Variants in FAF1 observed in about 807,000 individuals in gnomAD.
FAF1 encodes Fas associated factor 1.
In FAF1, 25 loss-of-function variants were observed where a neutral mutation model predicts 92.5. The observed-to-expected ratio is 0.27, with a 90% CI of 0.20 to 0.38. The LOEUF (loss-of-function observed/expected upper bound fraction) is 0.38. FAF1 is among the 10% of genes least tolerant of loss of function. The pLI is 1.00. For synonymous variants in FAF1, 234 were observed against 273.2 expected (o/e 0.86, Z 1.42); for missense variants, 636 against 793.3 (o/e 0.80, Z 2.38).
chr1:50,535,230 A>G, intron 15 of FAF1, 139 bp downstream of exon 15: 1 of 598,938 alleles, frequency 1.7e-6, no homozygotes, highest in Admixed American at 2.8e-5. Flanking sequence ...TCCATAGCAT[A>G]AAAACCCTTG....
Position 50,717,127 on chromosome 1 carries a change from G to A in FAF1, c.552-11236C>T, listed in dbSNP as rs927944434. 4.6e-5 allele frequency among the ~76,000 whole-genome samples: 7 copies of A among 152,208 alleles called. No individual in the cohort carries two copies. In the East Asian group the frequency reaches 7.7e-4, roughly 17 times the overall value. On this transcript the variant is annotated intron_variant, in intron 6 of 18. Transcript: ENST00000396153. ...CCGCGGCTTCATTCTTGGAGTCAGC[G>A]AGAACAAGAACCCACTGGAAGGAAC...
At chr1:50,892,306 T>A (rs1644726331) in intron 1 of FAF1, among the ~76,000 whole-genome samples, 1 of 152,264 alleles carries the variant, frequency 6.6e-6, no homozygotes, top group South Asian at 2.1e-4. Flanking sequence ...TCATGCTTCC[T>A]GGGTGAGATG....
At chr1:50,788,894 C>T (rs1031278260) in intron 3 of FAF1, among the ~76,000 whole-genome samples, 3 of 152,146 alleles carry the variant, frequency 2.0e-5, no homozygotes, top group African/African-American at 7.2e-5. Context: ...AGCAGTGGCA[C>T]AATCTTGGCT....
chr1:50,587,100 A>G (rs887298943), intron 9 of FAF1, among the ~76,000 whole-genome samples: 2 of 152,172 alleles, frequency 1.3e-5, no homozygotes, highest in Non-Finnish European at 2.9e-5. Context: ...GGAATGTTCT[A>G]TATATACTTC....
intron 8 of FAF1, among the ~76,000 whole-genome samples, chr1:50,625,023 T>G (rs1653431761): frequency 6.6e-6 from 1 of 150,412 alleles, no homozygotes; most frequent in Non-Finnish European, 1.5e-5. Context: ...TGCCTCAGCC[T>G]CCCGAGTAGC....
chr1:50,704,099 C>T (rs1657579937), intron 7 of FAF1, among the ~76,000 whole-genome samples: 1 of 152,160 alleles, frequency 6.6e-6, no homozygotes, highest in East Asian at 1.9e-4. Context: ...AGTCTCCTCC[C>T]TGCAATATGC....
intron 2 of FAF1, among the ~76,000 whole-genome samples, chr1:50,813,220 T>A (rs537113415): frequency 3.7e-4 from 56 of 151,438 alleles, no homozygotes; most frequent in Middle Eastern, 3.4e-3. Flanking sequence ...AAATAAATTT[T>A]AAAAAAAAGA....
At chr1:50,929,986 C>T (rs1394086516) in intron 1 of FAF1, among the ~76,000 whole-genome samples, 1 of 152,114 alleles carries the variant, frequency 6.6e-6, no homozygotes, top group Non-Finnish European at 1.5e-5. Flanking sequence ...GAATTAAGCA[C>T]CAAGATGCAA....
intron 18 of FAF1, among the ~76,000 whole-genome samples, chr1:50,457,819 C>T (rs1220093198): frequency 7.2e-6 from 1 of 139,264 alleles, no homozygotes; most frequent in East Asian, 2.1e-4. Flanking sequence ...CTGCTGTGAT[C>T]ACACCACTGT....
intron 18 of FAF1, among the ~76,000 whole-genome samples, chr1:50,445,659 T>G (rs1646219524): frequency 6.6e-6 from 1 of 152,204 alleles, no homozygotes; most frequent in Non-Finnish European, 1.5e-5. Flanking sequence ...TACTTGGGAC[T>G]TTACTGAATT....
intron 17 of FAF1, 128 bp downstream of exon 17, chr1:50,490,453 AAGGAAGG>A: frequency 2.7e-6 from 1 of 376,038 alleles, no homozygotes; most frequent in Admixed American, 3.5e-5. Context: ...GGAAGGAAGG[AAGGAAGG>A]AAAAAGAAAG....
intron 2 of FAF1, among the ~76,000 whole-genome samples, chr1:50,825,838 G>A (rs1255374590): frequency 2.0e-5 from 3 of 152,118 alleles, no homozygotes; most frequent in Non-Finnish European, 4.4e-5. Flanking sequence ...ACAAAGTGGA[G>A]TTAAGCTAGA....
At chr1:50,639,223 G>T (rs1052279728) in intron 8 of FAF1, among the ~76,000 whole-genome samples, 1 of 152,098 alleles carries the variant, frequency 6.6e-6, no homozygotes, top group African/African-American at 2.4e-5. Context: ...GTTGCATCTG[G>T]GTTTTGTCTA....
chr1:50,892,049 C>T (rs1006490011), intron 1 of FAF1, among the ~76,000 whole-genome samples: 2 of 152,214 alleles, frequency 1.3e-5, no homozygotes, highest in African/African-American at 4.8e-5. Flanking sequence ...ACTCAAGCCT[C>T]AGCAATGGTG....
At chr1:50,618,262 T>C (rs1438888718) in intron 8 of FAF1, among the ~76,000 whole-genome samples, 1 of 152,146 alleles carries the variant, frequency 6.6e-6, no homozygotes, top group Non-Finnish European at 1.5e-5. Flanking sequence ...TTCTAACTAA[T>C]TAATGAGGGT....
chr1:50,482,999 A>C (rs1297016689), intron 17 of FAF1, among the ~76,000 whole-genome samples: 1 of 152,080 alleles, frequency 6.6e-6, no homozygotes, highest in Non-Finnish European at 1.5e-5. Flanking sequence ...TCTAATTTAC[A>C]TATTTGTTAT....
At chr1:50,802,421 G>A (rs1206615999) in intron 2 of FAF1, among the ~76,000 whole-genome samples, 1 of 152,090 alleles carries the variant, frequency 6.6e-6, no homozygotes, top group Non-Finnish European at 1.5e-5. Context: ...ACATTGAGAA[G>A]AAAATAATAT....
chr1:50,788,288 G>T, intron 3 of FAF1, 83 bp from the exon 4 acceptor site: 1 of 1,177,472 alleles, frequency 8.5e-7, no homozygotes, highest in Non-Finnish European at 1.2e-6. Flanking sequence ...TACTTGGCTT[G>T]TGTTGTTCTT....
chr1:50,853,348 C>A (rs1021880854), intron 2 of FAF1, among the ~76,000 whole-genome samples: 1 of 152,100 alleles, frequency 6.6e-6, no homozygotes, highest in Non-Finnish European at 1.5e-5. Flanking sequence ...TTAGTTTTGA[C>A]TCTTCAGTGT....
Sources: allele counts gnomAD v4.1 joint callset (sites outside exome capture counted in the v4.1 genomes callset), GRCh38; gene constraint gnomAD v4.1.1; transcripts MANE v1.5; gene names NCBI Gene and HGNC (gene_info 2026-07-23, HGNC 2026-07-21).